ATP5PF: variants seen among roughly 807,000 people sequenced by gnomAD.
ATP5PF encodes ATP synthase peripheral stalk subunit F6.
A neutral mutation model predicts 12.0 loss-of-function variants in ATP5PF; 7 were observed. The ratio of observed to expected loss-of-function variants is 0.58; its 90% CI spans 0.33 to 1.10. The LOEUF is 1.10. Ranked by LOEUF, ATP5PF falls within the 50% of genes least tolerant of loss-of-function variation. The pLI is 0.03. For missense variants in ATP5PF, 120 were observed against 127.7 expected (o/e 0.94, Z 0.29); for synonymous variants, 41 against 45.4 (o/e 0.90, Z 0.39).
intron 1 of ATP5PF, chr21:25,734,197 AT>A (rs1212565438): frequency 2.4e-6 from 1 of 410,614 alleles, no homozygotes; most frequent in East Asian, 1.6e-4. Flanking sequence ...TTCCAGTACC[AT>A]CGGGTGCCAC....
At chr21:25,734,419 T>C in intron 1 of ATP5PF, 2 of 986,952 alleles carry the variant, frequency 2.0e-6, no homozygotes, top group Non-Finnish European at 2.4e-6. Flanking sequence ...GTTAGCACCA[T>C]CGTTTTTAGG....
At chr21:25,728,450 T>C (rs1053183524) in intron 2 of ATP5PF, among the ~76,000 whole-genome samples, 1 of 152,150 alleles carries the variant, frequency 6.6e-6, no homozygotes, top group African/African-American at 2.4e-5. Flanking sequence ...AACTAAGGCA[T>C]TTTCATGCCT....
At chr21:25,733,988 T>C (rs2034900294) in intron 1 of ATP5PF, among the ~76,000 whole-genome samples, 1 of 152,180 alleles carries the variant, frequency 6.6e-6, no homozygotes, top group South Asian at 2.1e-4. Flanking sequence ...TCCACAGCAT[T>C]CAACAGTTCT....
intron 1 of ATP5PF, among the ~76,000 whole-genome samples, chr21:25,733,821 T>A (rs3761326): frequency 0.29 from 44,393 of 152,130 alleles, 8,490 homozygotes; most frequent in African/African-American, 0.54. Context: ...GCACGTATTC[T>A]CACAGTTAAT....
In ATP5PF at chr21:25,734,895, C is replaced by T; in HGVS notation, c.-50G>A. 1.3e-6 allele frequency: 2 copies of T among 1,558,822 alleles called. No homozygotes were observed. Among genetic ancestry groups the T allele is most frequent in the African/African-American group, 1.4e-5 (1 of 73,644 alleles). On this transcript the variant is annotated 5_prime_UTR_variant, in exon 1 of 4. It adds an upstream start codon to the 5' untranslated region. Transcript: ENST00000284971. ...GCTGCCAAAGCCTCCGCCGCCACCA[C>T]CTCCGCTCTACTTCCGGCCCTGGCT...
upstream of ATP5PF, chr21:25,735,026 C>G (rs988472018): frequency 2.3e-5 from 35 of 1,507,750 alleles, no homozygotes; most frequent in East Asian, 6.1e-4. Context: ...TGCGACCGGA[C>G]GGGTCTAGGT....
intron 2 of ATP5PF, among the ~76,000 whole-genome samples, chr21:25,726,836 A>G (rs2034632167): frequency 1.3e-5 from 2 of 152,240 alleles, no homozygotes; most frequent in Non-Finnish European, 2.9e-5. Flanking sequence ...TTCAAGGGTA[A>G]TAACATTTTT....
chr21:25,734,219 G>T, intron 1 of ATP5PF: 1 of 651,932 alleles, frequency 1.5e-6, no homozygotes, highest in Non-Finnish European at 1.9e-6. Context: ...GAGAGCATAT[G>T]ATAGCGTCTG....
chr21:25,735,042 A>G, upstream of ATP5PF: 2 of 1,403,846 alleles, frequency 1.4e-6, no homozygotes, highest in Middle Eastern at 1.8e-4. Flanking sequence ...TAGGTGAGAC[A>G]GAAGCCAAAC....
chr21:25,731,908 G>T (rs535811867), intron 1 of ATP5PF, among the ~76,000 whole-genome samples: 2 of 152,252 alleles, frequency 1.3e-5, no homozygotes, highest in African/African-American at 4.8e-5. Flanking sequence ...AACATGGAGA[G>T]AACCTGTCTC....
chr21:25,734,693 C>G, intron 1 of ATP5PF, 160 bp downstream of exon 1: 1 of 700,930 alleles, frequency 1.4e-6, no homozygotes, highest in South Asian at 2.0e-5. Flanking sequence ...GGTCTACAAA[C>G]GTAGAGGTCA....
intron 1 of ATP5PF, among the ~76,000 whole-genome samples, chr21:25,731,929 G>A (rs951931740): frequency 3.9e-5 from 6 of 152,042 alleles, no homozygotes; most frequent in Non-Finnish European, 7.4e-5. Context: ...TAAAAAATTA[G>A]AGCTTGTATT....
At chr21:25,735,344 GT>G, upstream of ATP5PF, 1 of 234,592 alleles carries the variant, frequency 4.3e-6, no homozygotes, top group South Asian at 7.0e-5. Context: ...TTGGGCGGTC[GT>G]TTTGCGCACC....
intron 1 of ATP5PF, chr21:25,734,407 G>A (rs1222750989): frequency 4.1e-5 from 41 of 996,314 alleles, no homozygotes; most frequent in South Asian, 1.7e-4. Context: ...GCCTAATGAA[G>A]TGTTAGCACC....
At chr21:25,732,536 C>T (rs1247551369) in intron 1 of ATP5PF, among the ~76,000 whole-genome samples, 4 of 150,580 alleles carry the variant, frequency 2.7e-5, no homozygotes, top group Non-Finnish European at 5.9e-5. Context: ...GTCCCAGGTA[C>T]TTGGGAGGCT....
chr21:25,724,850 C>A (rs1472700037), intron 3 of ATP5PF, 173 bp from the exon 4 acceptor site: 1 of 666,766 alleles, frequency 1.5e-6, no homozygotes, highest in Non-Finnish European at 2.5e-6. Flanking sequence ...ATGAGCCATG[C>A]ATTCCATTAA....
intron 3 of ATP5PF, 63 bp downstream of exon 3, chr21:25,725,163 G>C (rs1568927746): frequency 6.5e-7 from 1 of 1,543,034 alleles, no homozygotes; most frequent in South Asian, 1.3e-5. Flanking sequence ...TAAAAATCCA[G>C]GTAAGTGTAA....
At position 25,725,284 on chromosome 21, in the gene ATP5PF, C is replaced by G; in HGVS notation, c.231G>C (p.Lys77Asn). 3 of 1,613,348 alleles carry G rather than the reference C, an allele frequency of 1.9e-6. No homozygotes were observed. The highest frequency in any genetic ancestry group is 2.5e-6 in the Non-Finnish European group (3 of 1,179,964). ...YQQELERELF[K>N]LKQMFGNADM... ...CTGCATTACCAAACATTTGCTTGAG[C>G]TTAAAAAGCTCCCTCTCCAGCTCTT... The change falls in exon 3 of 4, where the codon AAG (lysine) becomes AAC (asparagine). Residue 77 changes from lysine (K) to asparagine (N), a missense_variant. Coordinates refer to ENST00000284971, the MANE Select transcript of ATP5PF (RefSeq NM_001003703.2).
chr21:25,727,490 C>T (rs2034648096), intron 2 of ATP5PF, among the ~76,000 whole-genome samples: 1 of 152,244 alleles, frequency 6.6e-6, no homozygotes, highest in East Asian at 1.9e-4. Flanking sequence ...TACCATCATC[C>T]TCCTTTTACA....
Sources: gnomAD v4.1 joint callset for allele counts (sites outside exome capture counted in the v4.1 genomes callset) on GRCh38, gnomAD v4.1.1 for gene constraint, MANE v1.5 for transcripts, NCBI Gene and HGNC (gene_info 2026-07-23, HGNC 2026-07-21) for gene names.